DOK1: variants seen among roughly 807,000 people sequenced by gnomAD.
The protein encoded by DOK1 is docking protein 1.
Under a neutral mutation model 24.0 loss-of-function variants are expected in DOK1, and 12 were observed. That is an observed-to-expected ratio of 0.50 (90% CI 0.32 to 0.81). The LOEUF is 0.81. DOK1 is among the 30% of genes least tolerant of loss of function. The pLI is 0.03. For missense variants in DOK1, 591 were observed against 620.7 expected (o/e 0.95, Z 0.51); for synonymous variants, 250 against 260.9 (o/e 0.96, Z 0.40).
Position 74,554,801 on chromosome 2 carries a change from G to T in DOK1, c.47G>T (p.Arg16Leu). ...MEGPLFLQSQ[R>L]FGTKRWRKTW... is the part of the protein sequence containing the mutation. ...GGGCCGCTTTTTTTGCAGAGTCAGC[G>T]CTTTGGGACCAAGGTAGTCTGGCGC... is the stretch of plus-strand genomic sequence containing the variant. Residue 16 changes from arginine (R) to leucine (L), a missense_variant, in exon 1 of 5, where the codon CGC becomes CTC. Physicochemically the swap from Arg to Leu is moderately radical, Grantham distance 102. Coordinates refer to ENST00000233668, the MANE Select transcript of DOK1 (RefSeq NM_001381.5). The surrounding 1 kb of genome is among the most constrained non-coding windows in gnomAD (Gnocchi z 4.9). 1.2e-6 allele frequency: 2 copies of T among 1,614,146 alleles called. No individual in the cohort carries two copies. Among genetic ancestry groups the T allele is most frequent in the Non-Finnish European group, 1.7e-6 (2 of 1,180,000 alleles).
chr2:74,551,758 C>A (rs1021374095), upstream of DOK1, among the ~76,000 whole-genome samples: 1 of 152,296 alleles, frequency 6.6e-6, no homozygotes, highest in East Asian at 1.9e-4. Context: ...ATCATTCCCA[C>A]TGTGGGTTCA....
Position 74,554,836 on chromosome 2 carries a change from G to A in DOK1, c.60+22G>A, listed in dbSNP as rs1438689599. ...CAAGGTAGTCTGGCGCATGGATGCC[G>A]AACCTTATCCGGGCTAGTAGTGGGT... On this transcript the variant is annotated intron_variant, in intron 1 of 4. Coordinates refer to ENST00000233668, the MANE Select transcript of DOK1 (RefSeq NM_001381.5). The surrounding 1 kb of genome is among the most constrained non-coding windows in gnomAD (Gnocchi z 4.9). The A allele has an allele frequency of 6.2e-7, 1 of 1,613,502 alleles. No individual in the cohort carries two copies. Among genetic ancestry groups the A allele is most frequent in the Non-Finnish European group, 8.5e-7 (1 of 1,179,746 alleles).
chr2:74,555,062 C>CA lies in DOK1; in HGVS notation c.61-89dup. ...AACCCCGTTTGGAAGCCCCAGATCCCAAATCGACTTGCGCCGCAACCTCCT... is the reference window on the plus strand; with the variant it reads ...AACCCCGTTTGGAAGCCCCAGATCCCAAAATCGACTTGCGCCGCAACCTCCT... On this transcript the variant is annotated intron_variant, in intron 1 of 4. Coordinates refer to ENST00000233668, the MANE Select transcript of DOK1 (RefSeq NM_001381.5). The surrounding 1 kb of genome is among the most constrained non-coding windows in gnomAD (Gnocchi z 6.1). The CA allele has an allele frequency of 6.7e-7, 1 of 1,486,400 alleles. No homozygotes were observed. Among genetic ancestry groups the CA allele is most frequent in the South Asian group, 1.3e-5 (1 of 76,360 alleles). The allele number at this position is 1,486,400 out of a possible 1,614,324, so 92.1% of individuals were successfully genotyped here. A position where few individuals can be genotyped will look rare whatever the true frequency, so the allele number is the denominator to read the frequency against.
chr2:74,549,173 G>A lies in DOK1; in HGVS notation c.-358+1G>A. On this transcript the variant is annotated splice_donor_variant, in intron 1 of 4. Coordinates refer to the DOK1 transcript ENST00000409429. LOFTEE classifies it low-confidence loss of function (5UTR_SPLICE). This position sits in a 1 kb window ranked among gnomAD's most constrained non-coding sequence, Gnocchi z 5.3. Reference sequence around the variant, plus strand: ...GGAGCCTCGCTGGTCCCCATTTCAGGTACTCCCTTGGGGCACCTTTCGTGG... The same window carrying A: ...GGAGCCTCGCTGGTCCCCATTTCAGATACTCCCTTGGGGCACCTTTCGTGG... 1 of 509,874 alleles carries A rather than the reference G, an allele frequency of 2.0e-6. No homozygotes were observed. Among genetic ancestry groups the A allele is most frequent in the South Asian group, 4.2e-5 (1 of 23,604 alleles). The allele number at this position is 509,874 out of a possible 1,614,324, so 31.6% of individuals were successfully genotyped here.
Position 74,557,222 on chromosome 2 carries a change from CTG to C in DOK1, c.*113_*114del. 1.8e-6 allele frequency: 2 copies of C among 1,141,822 alleles called. No homozygotes were observed. Among genetic ancestry groups the C allele is most frequent in the Non-Finnish European group, 2.4e-6 (2 of 817,734 alleles). 70.7% of individuals were successfully genotyped at this position (1,141,822 alleles called of 1,614,324 possible). A position where few individuals can be genotyped will look rare whatever the true frequency, so the allele number is the denominator to read the frequency against. Reference sequence around the variant, plus strand: ...AAGCCAGAGGGTGGGAGGGGCCATGCTGTGTGAGACCAGGGGACCAGAGGGAT... The same window carrying C: ...AAGCCAGAGGGTGGGAGGGGCCATGCTGTGAGACCAGGGGACCAGAGGGAT... On this transcript the variant is annotated 3_prime_UTR_variant, in exon 5 of 5. Coordinates refer to ENST00000233668, the MANE Select transcript of DOK1 (RefSeq NM_001381.5).
upstream of DOK1, chr2:74,549,753 C>T: frequency 7.0e-7 from 1 of 1,435,372 alleles, no homozygotes; most frequent in East Asian, 2.5e-5. This position sits in a 1 kb window ranked among gnomAD's most constrained non-coding sequence, Gnocchi z 5.3. Flanking sequence ...TGTGGACTCT[C>T]TTGCAGCCAG....
Position 74,554,969 on chromosome 2 carries a change from C to T in DOK1, c.60+155C>T, listed in dbSNP as rs956533560. The T allele has an allele frequency of 3.5e-6, 5 of 1,417,530 alleles. No homozygotes were observed. In the African/African-American group the frequency reaches 4.3e-5, roughly 12 times the overall value. The allele number at this position is 1,417,530 out of a possible 1,614,324, so 87.8% of individuals were successfully genotyped here. A position where few individuals can be genotyped will look rare whatever the true frequency, so the allele number is the denominator to read the frequency against. On this transcript the variant is annotated intron_variant, in intron 1 of 4. Coordinates refer to ENST00000233668, the MANE Select transcript of DOK1 (RefSeq NM_001381.5). This position sits in a 1 kb window ranked among gnomAD's most constrained non-coding sequence, Gnocchi z 4.9. The stretch of plus-strand genomic sequence containing the variant: ...AGTTGCTTTGCACACTCCCGGGAAG[C>T]GTCTGTAGTCTAGGGGTTCTGGTCC...
chr2:74,552,606 C>T (rs1453420346), upstream of DOK1: 3 of 1,583,468 alleles, frequency 1.9e-6, no homozygotes, highest in Admixed American at 3.5e-5. Context: ...CCCCCAGGGG[C>T]TCCACTGCCA....
Position 74,554,819 on chromosome 2 carries a change from T to C in DOK1, c.60+5T>C. Reference sequence around the variant, plus strand: ...AGTCAGCGCTTTGGGACCAAGGTAGTCTGGCGCATGGATGCCGAACCTTAT... The same window carrying C: ...AGTCAGCGCTTTGGGACCAAGGTAGCCTGGCGCATGGATGCCGAACCTTAT... On this transcript the variant is annotated splice_donor_5th_base_variant and intron_variant, in intron 1 of 4. Transcript: ENST00000233668. The surrounding 1 kb of genome is among the most constrained non-coding windows in gnomAD (Gnocchi z 4.9). 6.2e-7 allele frequency: 1 copy of C among 1,614,030 alleles called. No homozygotes were observed. The highest frequency in any genetic ancestry group is 8.5e-7 in the Non-Finnish European group (1 of 1,179,970).
chr2:74,551,881 A>T (rs1343251249), upstream of DOK1, among the ~76,000 whole-genome samples: 1 of 152,258 alleles, frequency 6.6e-6, no homozygotes, highest in Non-Finnish European at 1.5e-5. Flanking sequence ...CCACCTTGTT[A>T]GTTTTAGCTC....
In DOK1 at chr2:74,554,979, C is replaced by A; in HGVS notation, c.60+165C>A. On this transcript the variant is annotated intron_variant, in intron 1 of 4. Coordinates refer to ENST00000233668, the MANE Select transcript of DOK1 (RefSeq NM_001381.5). The surrounding 1 kb of genome is among the most constrained non-coding windows in gnomAD (Gnocchi z 4.9). ...CACACTCCCGGGAAGCGTCTGTAGT[C>A]TAGGGGTTCTGGTCCTGGGGAGACG... 7.1e-7 allele frequency: 1 copy of A among 1,404,488 alleles called. No individual in the cohort carries two copies. The highest frequency in any genetic ancestry group is 1.2e-5 in the South Asian group (1 of 80,708). The allele number at this position is 1,404,488 out of a possible 1,614,324, so 87.0% of individuals were successfully genotyped here.
upstream of DOK1, chr2:74,550,183 A>G: frequency 6.2e-7 from 1 of 1,612,534 alleles, no homozygotes; most frequent in Non-Finnish European, 8.5e-7. Flanking sequence ...GGAAATGCAG[A>G]CCTCAATGAC....
upstream of DOK1, among the ~76,000 whole-genome samples, chr2:74,550,693 CAT>C (rs1463424390): frequency 2.0e-5 from 3 of 152,168 alleles, no homozygotes; most frequent in African/African-American, 7.2e-5. Flanking sequence ...ATGGTGTGCA[CAT>C]ATGTGATCAT....
At position 74,556,300 on chromosome 2, in the gene DOK1, C is replaced by T. The variant is rs1467190367; in HGVS notation, c.640-8C>T. ...CTGGTAATGTGTTTCCCCCTCTACCCTCCTTAGGTCATGTTCTCTTTCGAG... is the reference window on the plus strand; with the variant it reads ...CTGGTAATGTGTTTCCCCCTCTACCTTCCTTAGGTCATGTTCTCTTTCGAG... On this transcript the variant is annotated splice_region_variant and splice_polypyrimidine_tract_variant and intron_variant, in intron 4 of 4. Transcript: ENST00000233668. The surrounding 1 kb of genome is among the most constrained non-coding windows in gnomAD (Gnocchi z 4.1). 1.2e-6 allele frequency: 2 copies of T among 1,609,296 alleles called. No individual in the cohort carries two copies. The highest frequency in any genetic ancestry group is 1.7e-5 in the Admixed American group (1 of 59,854).
At chr2:74,550,072 C>T (rs559192920), upstream of DOK1, 53 of 1,483,622 alleles carry the variant, frequency 3.6e-5, no homozygotes, top group South Asian at 6.4e-4. Flanking sequence ...AAGTCTCCCA[C>T]CAATCCAAAT....
At chr2:74,554,406 T>G, upstream of DOK1, 1 of 282,560 alleles carries the variant, frequency 3.5e-6, no homozygotes, top group African/African-American at 2.3e-5. The surrounding 1 kb of genome is among the most constrained non-coding windows in gnomAD (Gnocchi z 4.9). Context: ...CCGGGGCGCT[T>G]TCGGGGTGAT....
upstream of DOK1, chr2:74,550,258 G>C (rs762811068): frequency 3.1e-6 from 5 of 1,614,158 alleles, no homozygotes; most frequent in South Asian, 2.2e-5. Context: ...CTCATCGTGC[G>C]TACAGTCACT....
chr2:74,555,760 G>A lies in DOK1; in HGVS notation c.454+92G>A, dbSNP rs1677406500. ...TGGGTGGATACCCAGGGGCCCATGGGGAAGTAAGAAGTAGGAAGGCCCTGA... is the reference window on the plus strand; with the variant it reads ...TGGGTGGATACCCAGGGGCCCATGGAGAAGTAAGAAGTAGGAAGGCCCTGA... On this transcript the variant is annotated intron_variant, in intron 3 of 4. Coordinates refer to ENST00000233668, the MANE Select transcript of DOK1 (RefSeq NM_001381.5). This position sits in a 1 kb window ranked among gnomAD's most constrained non-coding sequence, Gnocchi z 6.1. The A allele has an allele frequency of 6.3e-7, 1 of 1,597,098 alleles. No individual in the cohort carries two copies. Among genetic ancestry groups the A allele is most frequent in the Admixed American group, 1.8e-5 (1 of 56,642 alleles).
upstream of DOK1, chr2:74,552,227 G>A (rs1229677100): frequency 7.9e-6 from 9 of 1,136,048 alleles, no homozygotes; most frequent in African/African-American, 4.6e-5. Flanking sequence ...TCTTGGTGTC[G>A]TGTGTCCCTA....
Sources: allele counts gnomAD v4.1 joint callset (sites outside exome capture counted in the v4.1 genomes callset), GRCh38; gene constraint gnomAD v4.1.1; non-coding constraint Gnocchi (gnomAD v3.1); transcripts MANE v1.5; gene names NCBI Gene and HGNC (gene_info 2026-07-23, HGNC 2026-07-21).